Variants in PTPRD observed in about 807,000 individuals in gnomAD.
PTPRD encodes protein tyrosine phosphatase receptor type D, also known as receptor-type tyrosine-protein phosphatase delta.
A neutral mutation model predicts 214.5 loss-of-function variants in PTPRD; 34 were observed. The ratio of observed to expected loss-of-function variants is 0.16; its 90% CI spans 0.12 to 0.21. The LOEUF is 0.21. PTPRD is among the 10% of genes least tolerant of loss of function. PTPRD has a pLI of 1.00. For missense variants in PTPRD, 2,545 were observed against 2,398.7 expected (o/e 1.06, Z -1.27); for synonymous variants, 1,128 against 845.7 (o/e 1.33, Z -5.79).
At chr9:9,181,162 T>C (rs905390605) in intron 10 of PTPRD, among the ~76,000 whole-genome samples, 6 of 151,922 alleles carry the variant, frequency 3.9e-5, no homozygotes, top group Admixed American at 1.3e-4. Context: ...TAGAAAGCCA[T>C]TCCTTTTCTG....
intron 35 of PTPRD, among the ~76,000 whole-genome samples, chr9:8,424,043 C>A (rs956894574): frequency 1.3e-4 from 20 of 152,070 alleles, no homozygotes; most frequent in Non-Finnish European, 1.9e-4. Context: ...AAAAATTAAA[C>A]AAGAGCATGA....
At chr9:8,892,671 GTGTATATATATATGAGTGTA>G (rs1566866533) in intron 11 of PTPRD, among the ~76,000 whole-genome samples, 2 of 123,534 alleles carry the variant, frequency 1.6e-5, no homozygotes, top group African/African-American at 6.2e-5. Context: ...GTATATATAT[GTGTATATATATATGAGTGTA>G]TATATATATA....
chr9:10,486,297 G>C (rs957353805), intron 2 of PTPRD, among the ~76,000 whole-genome samples: 1 of 152,022 alleles, frequency 6.6e-6, no homozygotes, highest in Non-Finnish European at 1.5e-5. Context: ...TTTATTCTAG[G>C]GTTTTTATGG....
At chr9:9,811,532 C>T (rs1017443442) in intron 5 of PTPRD, among the ~76,000 whole-genome samples, 1 of 151,994 alleles carries the variant, frequency 6.6e-6, no homozygotes. Flanking sequence ...ACGGTGAAGC[C>T]CCATCTCTAC....
intron 9 of PTPRD, among the ~76,000 whole-genome samples, chr9:9,223,180 G>C (rs1384672318): frequency 1.3e-5 from 2 of 151,964 alleles, no homozygotes; most frequent in Admixed American, 6.6e-5. Flanking sequence ...ATTTTTGGAA[G>C]GGCCCACTGA....
At chr9:10,427,044 AT>A (rs2098628482) in intron 2 of PTPRD, among the ~76,000 whole-genome samples, 1 of 152,160 alleles carries the variant, frequency 6.6e-6, no homozygotes, top group South Asian at 2.1e-4. Flanking sequence ...GCAAAGAGGT[AT>A]TTTGGGGGGT....
chr9:10,002,081 T>C (rs1291948215), intron 4 of PTPRD, among the ~76,000 whole-genome samples: 2 of 151,732 alleles, frequency 1.3e-5, no homozygotes, highest in Non-Finnish European at 2.9e-5. Context: ...CTATTGAAAT[T>C]AAGTTGTATT....
chr9:9,702,128 G>A (rs182957080), intron 7 of PTPRD, among the ~76,000 whole-genome samples: 47 of 150,710 alleles, frequency 3.1e-4, no homozygotes, highest in African/African-American at 1.1e-3. Context: ...TCAAAAGAAA[G>A]AGAGAGAGAG....
intron 8 of PTPRD, among the ~76,000 whole-genome samples, chr9:9,572,845 T>C (rs568372715): frequency 2.0e-3 from 305 of 151,538 alleles, no homozygotes; most frequent in African/African-American, 6.9e-3. Context: ...CCAATTATAA[T>C]ACCCCTATTC....
intron 10 of PTPRD, among the ~76,000 whole-genome samples, chr9:9,123,664 A>G (rs906313076): frequency 3.3e-5 from 5 of 152,214 alleles, no homozygotes; most frequent in African/African-American, 1.2e-4. Context: ...TACTTTCTCG[A>G]GTGAAACCTT....
chr9:9,134,433 GCTTTACCTTCTCACAC>G (rs1439347570), intron 10 of PTPRD, among the ~76,000 whole-genome samples: 5 of 151,992 alleles, frequency 3.3e-5, no homozygotes, highest in Non-Finnish European at 5.9e-5. Context: ...AATTCTCTTG[GCTTTACCTTCTCACAC>G]CTCCACTTGG....
intron 11 of PTPRD, among the ~76,000 whole-genome samples, chr9:8,789,185 G>C (rs1419053009): frequency 6.6e-6 from 1 of 152,104 alleles, no homozygotes; most frequent in African/African-American, 2.4e-5. Flanking sequence ...CCGAGACACA[G>C]ATTATACTTA....
intron 3 of PTPRD, among the ~76,000 whole-genome samples, chr9:10,222,883 C>T (rs893765313): frequency 6.6e-6 from 1 of 151,988 alleles, no homozygotes; most frequent in Non-Finnish European, 1.5e-5. Context: ...TCTGGAAAAT[C>T]TCAAAGAAAG....
At chr9:10,540,667 G>A (rs942747183) in intron 2 of PTPRD, among the ~76,000 whole-genome samples, 2 of 152,034 alleles carry the variant, frequency 1.3e-5, no homozygotes, top group African/African-American at 4.8e-5. Flanking sequence ...AAATCCACTG[G>A]CTAGGTGGAT....
chr9:9,735,689 G>A (rs574170683), intron 6 of PTPRD, among the ~76,000 whole-genome samples: 13 of 152,102 alleles, frequency 8.5e-5, no homozygotes, highest in Admixed American at 2.0e-4. Flanking sequence ...AGTAAGTAAT[G>A]GATCTTGTCA....
chr9:8,391,230 C>G (rs1323170140), intron 36 of PTPRD, among the ~76,000 whole-genome samples: 1 of 151,992 alleles, frequency 6.6e-6, no homozygotes, highest in African/African-American at 2.4e-5. Flanking sequence ...GACTGCTTTT[C>G]TGATTCCGGT....
chr9:8,856,938 A>T (rs1231744947), intron 11 of PTPRD, among the ~76,000 whole-genome samples: 1 of 152,226 alleles, frequency 6.6e-6, no homozygotes, highest in African/African-American at 2.4e-5. Context: ...TCTATGGGAA[A>T]GCAAATAATC....
chr9:8,583,097 T>C (rs972686291), intron 14 of PTPRD, among the ~76,000 whole-genome samples: 1 of 152,230 alleles, frequency 6.6e-6, no homozygotes, highest in African/African-American at 2.4e-5. Flanking sequence ...CCTCAGATCA[T>C]AAGGCATTAG....
At position 8,548,128 on chromosome 9, in the gene PTPRD, A is replaced by G. The variant is rs191441158; in HGVS notation, c.353-19349T>C. Among the ~76,000 whole-genome samples the G allele has an allele frequency of 1.1e-4, 17 of 152,330 alleles. No individual in the cohort carries two copies. The East Asian group carries it at 2.7e-3, about 24-fold the overall frequency. On this transcript the variant is annotated intron_variant, in intron 14 of 45. Transcript: ENST00000381196. ...AATATAATTTTGATAGAAATGTAGT[A>G]AAGGGCCTTCAAGGCACAGGGAAAA...
Sources: allele counts gnomAD v4.1 joint callset (sites outside exome capture counted in the v4.1 genomes callset), GRCh38; gene constraint gnomAD v4.1.1; transcripts MANE v1.5; gene names NCBI Gene and HGNC (gene_info 2026-07-23, HGNC 2026-07-21).